TMC1: variants seen among roughly 807,000 people sequenced by gnomAD.
TMC1 encodes transmembrane channel-like protein 1.
Under a neutral mutation model 105.8 loss-of-function variants are expected in TMC1, and 84 were observed. The ratio of observed to expected loss-of-function variants is 0.79; its 90% CI spans 0.67 to 0.95. The LOEUF is 0.95. Among genes scored for constraint, TMC1 ranks in the 40% least tolerant of loss-of-function variants. TMC1 has a pLI of 0.00. For missense variants in TMC1, 817 were observed against 914.1 expected (o/e 0.89, Z 1.37); for synonymous variants, 315 against 311.5 (o/e 1.01, Z -0.12).
intron 2 of TMC1, among the ~76,000 whole-genome samples, chr9:72,602,064 G>C (rs1824825090): frequency 6.6e-6 from 1 of 152,096 alleles, no homozygotes; most frequent in South Asian, 2.1e-4. Context: ...CGTGAGGTCA[G>C]GTGTGGAATT....
intron 4 of TMC1, among the ~76,000 whole-genome samples, chr9:72,632,023 C>G (rs1249462049): frequency 2.0e-5 from 3 of 152,112 alleles, no homozygotes; most frequent in African/African-American, 7.2e-5. Context: ...TAAAGAAATA[C>G]CTGAGACTGG....
At chr9:72,798,607 T>G (rs111634618) in intron 17 of TMC1, among the ~76,000 whole-genome samples, 2 of 152,202 alleles carry the variant, frequency 1.3e-5, no homozygotes, top group African/African-American at 4.8e-5. Flanking sequence ...ATACTGCATG[T>G]TCTTACTTAT....
chr9:72,724,395 G>T (rs1259688745), intron 8 of TMC1, among the ~76,000 whole-genome samples: 1 of 152,088 alleles, frequency 6.6e-6, no homozygotes, highest in East Asian at 1.9e-4. Flanking sequence ...CACTCTCATG[G>T]TAACCACATT....
chr9:72,564,771 A>G (rs1036989864), intron 1 of TMC1, among the ~76,000 whole-genome samples: 4 of 152,182 alleles, frequency 2.6e-5, no homozygotes, highest in African/African-American at 9.7e-5. Context: ...AGAAGGTATA[A>G]TGGAAAGAAC....
At chr9:72,788,843 G>GTT (rs1014858683) in intron 14 of TMC1, among the ~76,000 whole-genome samples, 1 of 149,038 alleles carries the variant, frequency 6.7e-6, no homozygotes, top group Admixed American at 6.7e-5. Context: ...TTATTTTGTA[G>GTT]TTTTTTTTTT....
At chr9:72,615,847 G>A (rs180736405) in intron 2 of TMC1, among the ~76,000 whole-genome samples, 44 of 151,396 alleles carry the variant, frequency 2.9e-4, no homozygotes, top group Admixed American at 1.8e-3. Flanking sequence ...TCTGCCTCCC[G>A]GGTTTAAGCA....
chr9:72,833,124 C>T (rs975991490), intron 23 of TMC1, among the ~76,000 whole-genome samples: 3 of 152,062 alleles, frequency 2.0e-5, no homozygotes, highest in African/African-American at 7.2e-5. Flanking sequence ...TTGCCCCAGT[C>T]TTTCTATGCA....
chr9:72,700,481 T>C, intron 7 of TMC1, 37 bp from the exon 8 acceptor site: 2 of 1,534,266 alleles, frequency 1.3e-6, no homozygotes, highest in Non-Finnish European at 1.8e-6. Flanking sequence ...CAAGCAAAGC[T>C]TAACTTTATT....
chr9:72,743,578 A>AAAAAAG (rs1554724451), intron 10 of TMC1, among the ~76,000 whole-genome samples: 2 of 149,296 alleles, frequency 1.3e-5, no homozygotes, highest in South Asian at 2.1e-4. Flanking sequence ...AAAAAAAAAA[A>AAAAAAG]AAAGAAAGAA....
intron 5 of TMC1, among the ~76,000 whole-genome samples, chr9:72,669,681 T>C (rs1379844642): frequency 2.0e-5 from 3 of 151,778 alleles, no homozygotes; most frequent in African/African-American, 7.3e-5. Flanking sequence ...AGATAGCTAG[T>C]CTCTTGACTC....
chr9:72,619,174 G>A lies in TMC1; in HGVS notation c.-196+2697G>A, dbSNP rs144828380. Among the ~76,000 whole-genome samples, 174 of 152,192 alleles carry A rather than the reference G, an allele frequency of 1.1e-3. 1 individual carries two copies. The highest frequency in any genetic ancestry group is 4.1e-3 in the African/African-American group (169 of 41,528). ...AGAACTCAGGAGCCACCATGAAGAGGCCCCCAGTGTCCAGAAATGGAATAA... is the reference window on the plus strand; with the variant it reads ...AGAACTCAGGAGCCACCATGAAGAGACCCCCAGTGTCCAGAAATGGAATAA... On this transcript the variant is annotated intron_variant, in intron 3 of 23. Transcript: ENST00000297784.
chr9:72,745,225 C>A (rs1827469746), intron 10 of TMC1, among the ~76,000 whole-genome samples: 1 of 152,096 alleles, frequency 6.6e-6, no homozygotes, highest in African/African-American at 2.4e-5. Flanking sequence ...CTTCAGTGTT[C>A]CTGCAATGTG....
chr9:72,790,273 T>G (rs1005649991), intron 15 of TMC1, among the ~76,000 whole-genome samples: 9 of 152,178 alleles, frequency 5.9e-5, no homozygotes, highest in Non-Finnish European at 5.9e-5. Flanking sequence ...TAAAAAATCT[T>G]GGACAGCAAA....
chr9:72,579,360 C>T (rs1824438265), intron 2 of TMC1, among the ~76,000 whole-genome samples: 1 of 152,156 alleles, frequency 6.6e-6, no homozygotes. Flanking sequence ...ATCTGACTCA[C>T]ACTTCTATAT....
chr9:72,742,417 T>C (rs755941190), intron 9 of TMC1, 27 bp from the exon 10 acceptor site: 29 of 1,596,414 alleles, frequency 1.8e-5, no homozygotes, highest in Non-Finnish European at 2.3e-5. Context: ...GGTTGGACTT[T>C]ACTTTTGTAT....
chr9:72,815,264 C>G (rs560395207), intron 18 of TMC1, among the ~76,000 whole-genome samples: 1 of 152,240 alleles, frequency 6.6e-6, no homozygotes, highest in Admixed American at 6.5e-5. Flanking sequence ...CACAGTTAAC[C>G]ACTTCCATTC....
chr9:72,778,509 T>A (rs897105833), intron 13 of TMC1, among the ~76,000 whole-genome samples: 3 of 152,114 alleles, frequency 2.0e-5, no homozygotes, highest in Admixed American at 6.6e-5. Flanking sequence ...CCATGGATAT[T>A]TGAACTGATA....
intron 2 of TMC1, among the ~76,000 whole-genome samples, chr9:72,597,209 G>A (rs1048365952): frequency 2.6e-5 from 4 of 152,200 alleles, no homozygotes; most frequent in African/African-American, 9.7e-5. Flanking sequence ...GTGCAATGGT[G>A]CAAAGTCCTA....
At chr9:72,741,388 C>T in intron 9 of TMC1, 1 of 448,758 alleles carries the variant, frequency 2.2e-6, no homozygotes, top group South Asian at 2.1e-5. Flanking sequence ...CTTTTCTTAG[C>T]ACCACCATGA....
Sources: allele counts gnomAD v4.1 joint callset (sites outside exome capture counted in the v4.1 genomes callset), GRCh38; gene constraint gnomAD v4.1.1; transcripts MANE v1.5; gene names NCBI Gene and HGNC (gene_info 2026-07-23, HGNC 2026-07-21).